MREG: variants seen among roughly 807,000 people sequenced by gnomAD.
The protein encoded by MREG is melanoregulin.
Under a neutral mutation model 28.5 loss-of-function variants are expected in MREG, and 31 were observed. That is an observed-to-expected ratio of 1.09 (90% confidence interval 0.82 to 1.47). The LOEUF is 1.47. Among genes scored for constraint, MREG ranks in the 40% most tolerant of loss-of-function variants. The pLI is 0.00. For missense variants in MREG, 256 were observed against 257.4 expected (o/e 0.99, Z 0.04); for synonymous variants, 106 against 95.2 (o/e 1.11, Z -0.66).
chr2:215,969,041 G>C (rs949031495), intron 2 of MREG, among the ~76,000 whole-genome samples: 3 of 152,186 alleles, frequency 2.0e-5, no homozygotes, highest in African/African-American at 7.2e-5. Context: ...TTACAGGCGT[G>C]AGCCACTGCA....
chr2:216,000,571 A>G (rs1559193937), intron 1 of MREG, among the ~76,000 whole-genome samples: 1 of 151,858 alleles, frequency 6.6e-6, no homozygotes, highest in Non-Finnish European at 1.5e-5. Context: ...CTTCCCCCAG[A>G]TGTGTTTCAT....
intron 1 of MREG, among the ~76,000 whole-genome samples, chr2:216,024,141 T>A (rs1238262811): frequency 6.6e-6 from 1 of 152,168 alleles, no homozygotes; most frequent in Non-Finnish European, 1.5e-5. Context: ...CTTCTCTCCT[T>A]GAGCTCTTTT....
chr2:216,014,074 T>G (rs1399155558), upstream of MREG, among the ~76,000 whole-genome samples: 2 of 152,142 alleles, frequency 1.3e-5, no homozygotes, highest in Non-Finnish European at 2.9e-5. Context: ...CTTGTTAATA[T>G]ATGTGCCTGT....
At chr2:216,010,330 A>G (rs560569501) in intron 1 of MREG, among the ~76,000 whole-genome samples, 11 of 149,380 alleles carry the variant, frequency 7.4e-5, no homozygotes, top group Admixed American at 1.3e-4. Context: ...TTTGGCTTCT[A>G]GAACTGTGAA....
chr2:216,011,145 T>C (rs1694298537), intron 1 of MREG, among the ~76,000 whole-genome samples: 1 of 151,332 alleles, frequency 6.6e-6, no homozygotes, highest in Admixed American at 6.6e-5. Context: ...TTTGTGAATG[T>C]ACTAAAAACT....
At chr2:215,986,847 C>T (rs1693584641) in intron 2 of MREG, among the ~76,000 whole-genome samples, 1 of 152,206 alleles carries the variant, frequency 6.6e-6, no homozygotes, top group Non-Finnish European at 1.5e-5. Context: ...ATTACCCAGT[C>T]TTGGGTATGT....
chr2:215,990,578 C>G (rs969292020), intron 2 of MREG, among the ~76,000 whole-genome samples: 1 of 152,044 alleles, frequency 6.6e-6, no homozygotes, highest in Admixed American at 6.5e-5. Context: ...GCTAAATGCC[C>G]CAATTAAAAG....
chr2:215,970,740 C>G (rs1212921784), intron 2 of MREG, among the ~76,000 whole-genome samples: 1 of 152,180 alleles, frequency 6.6e-6, no homozygotes, highest in Non-Finnish European at 1.5e-5. Flanking sequence ...TTGTAAAGCT[C>G]AAACGTTACA....
chr2:215,986,295 A>G (rs1476350839), intron 2 of MREG, among the ~76,000 whole-genome samples: 3 of 152,242 alleles, frequency 2.0e-5, no homozygotes, highest in Non-Finnish European at 2.9e-5. Flanking sequence ...TAAAAATTCC[A>G]GTATTTGTGG....
At chr2:215,988,400 A>T (rs1693635286) in intron 2 of MREG, among the ~76,000 whole-genome samples, 1 of 152,220 alleles carries the variant, frequency 6.6e-6, no homozygotes, top group Non-Finnish European at 1.5e-5. Context: ...TGCAAGCTGC[A>T]GACCAGGAGA....
At chr2:216,003,172 G>A (rs1374037724) in intron 1 of MREG, among the ~76,000 whole-genome samples, 3 of 151,900 alleles carry the variant, frequency 2.0e-5, no homozygotes, top group Admixed American at 6.6e-5. Flanking sequence ...TAGTTCCAGC[G>A]CTTTCCTCAG....
intron 1 of MREG, among the ~76,000 whole-genome samples, chr2:216,012,423 A>G (rs778416977): frequency 6.6e-6 from 1 of 152,242 alleles, no homozygotes; most frequent in African/African-American, 2.4e-5. Context: ...ATACTTCAAA[A>G]GAAAGAAACC....
intron 2 of MREG, among the ~76,000 whole-genome samples, chr2:215,948,485 G>A (rs1436748773): frequency 6.6e-6 from 1 of 152,220 alleles, no homozygotes; most frequent in Non-Finnish European, 1.5e-5. Context: ...TTGGAAGAGG[G>A]CAAAGTTAAC....
intron 1 of MREG, among the ~76,000 whole-genome samples, chr2:216,007,957 T>G (rs1308803400): frequency 6.6e-6 from 1 of 152,186 alleles, no homozygotes; most frequent in Non-Finnish European, 1.5e-5. Flanking sequence ...ATGCATTGAT[T>G]GGTTGACAGG....
intron 2 of MREG, among the ~76,000 whole-genome samples, chr2:215,989,319 A>G (rs1284571309): frequency 6.6e-6 from 1 of 152,240 alleles, no homozygotes; most frequent in African/African-American, 2.4e-5. Context: ...TGTTAGAAGG[A>G]AAACTAACAA....
At position 215,943,970 on chromosome 2, in the gene MREG, CTTTTTTTTTTTTTT is replaced by C. The variant is rs869259776; in HGVS notation, c.*879_*892del. On this transcript the variant is annotated 3_prime_UTR_variant, in exon 5 of 5. Coordinates refer to ENST00000263268, the MANE Select transcript of MREG (RefSeq NM_018000.3). ...AAGTACAACACATGAATACATAACTCTTTTTTTTTTTTTTTTTTTTTTTTTTTGAGACGGAGTCT... is the reference window on the plus strand; with the variant it reads ...AAGTACAACACATGAATACATAACTCTTTTTTTTTTTTTGAGACGGAGTCT... The C allele has an allele frequency of 1.4e-4, 9 of 65,226 alleles. No homozygotes were observed. Among genetic ancestry groups the C allele is most frequent in the East Asian group, 5.9e-4 (1 of 1,690 alleles). 4.0% of individuals were successfully genotyped at this position (65,226 alleles called of 1,614,324 possible).
intron 2 of MREG, among the ~76,000 whole-genome samples, chr2:215,994,416 G>A (rs1206660730): frequency 1.3e-5 from 2 of 151,684 alleles, no homozygotes; most frequent in Non-Finnish European, 2.9e-5. Context: ...CTGTCAGGGG[G>A]TGGGGGCCTA....
chr2:216,017,647 A>G (rs936353237), upstream of MREG, among the ~76,000 whole-genome samples: 2 of 152,176 alleles, frequency 1.3e-5, no homozygotes, highest in Admixed American at 1.3e-4. Context: ...GTCCCCTGCC[A>G]TCAGTGACTC....
At chr2:215,959,924 G>A (rs189290158) in intron 2 of MREG, among the ~76,000 whole-genome samples, 2 of 151,620 alleles carry the variant, frequency 1.3e-5, no homozygotes, top group East Asian at 1.9e-4. Context: ...GTTCCTTTAC[G>A]AAAATTGTTG....
Sources: allele counts gnomAD v4.1 joint callset (sites outside exome capture counted in the v4.1 genomes callset), GRCh38; gene constraint gnomAD v4.1.1; transcripts MANE v1.5; gene names NCBI Gene and HGNC (gene_info 2026-07-23, HGNC 2026-07-21).